The following HCN1 variants were observed in gnomAD, a reference collection of about 807,000 sequenced individuals.
The protein encoded by HCN1 is potassium/sodium hyperpolarization-activated cyclic nucleotide-gated channel 1.
Under a neutral mutation model 78.9 loss-of-function variants are expected in HCN1, and 13 were observed. The observed-to-expected ratio is 0.16, with a 90% CI of 0.11 to 0.26. The LOEUF (loss-of-function observed/expected upper bound fraction) is 0.26, where lower values mean the gene tolerates loss of function less well. Among genes scored for constraint, HCN1 ranks in the 10% least tolerant of loss-of-function variants. The probability of loss-of-function intolerance (pLI) is 1.00; values close to 1 mark genes in which losing one functional copy is unlikely to be tolerated. For synonymous variants in HCN1, 552 were observed against 455.5 expected, an observed-to-expected ratio of 1.21 and a Z score of -2.70; for missense variants, 810 against 1,154.3, an observed-to-expected ratio of 0.70 and a Z score of 4.32.
At chr5:45,348,908 C>A (rs1471749643) in intron 5 of HCN1, among the ~76,000 whole-genome samples, 1 of 152,104 alleles carries the variant, frequency 6.6e-6, no homozygotes, top group East Asian at 1.9e-4. Context: ...ACTTAGACTC[C>A]CACACAATAA....
intron 4 of HCN1, among the ~76,000 whole-genome samples, chr5:45,383,286 A>C (rs1258016479): frequency 2.0e-5 from 3 of 152,302 alleles, no homozygotes; most frequent in South Asian, 4.1e-4. Flanking sequence ...TGCATGTTTT[A>C]TTGCTACCAC....
At chr5:45,283,118 G>A (rs550543380) in intron 6 of HCN1, among the ~76,000 whole-genome samples, 2 of 152,214 alleles carry the variant, frequency 1.3e-5, no homozygotes, top group African/African-American at 2.4e-5. Context: ...TACTTTGATA[G>A]CATGTTCGAA....
chr5:45,394,673 A>G (rs1477402004), intron 4 of HCN1, among the ~76,000 whole-genome samples: 1 of 152,112 alleles, frequency 6.6e-6, no homozygotes, highest in Non-Finnish European at 1.5e-5. Context: ...AAAATTAGTC[A>G]GGCGTGGTGG....
chr5:45,598,816 C>T (rs1355195467), intron 2 of HCN1, among the ~76,000 whole-genome samples: 1 of 152,208 alleles, frequency 6.6e-6, no homozygotes, highest in Non-Finnish European at 1.5e-5. Flanking sequence ...TGAACAAATG[C>T]TCATCATCAC....
At chr5:45,402,877 C>CT in intron 3 of HCN1, among the ~76,000 whole-genome samples, 4 of 138,720 alleles carry the variant, frequency 2.9e-5, no homozygotes, top group Non-Finnish European at 6.2e-5. Flanking sequence ...TACTTCCTTC[C>CT]CTCCCTCCCT....
intron 4 of HCN1, among the ~76,000 whole-genome samples, chr5:45,365,847 A>G (rs554336894): frequency 3.8e-4 from 57 of 151,994 alleles, no homozygotes; most frequent in Non-Finnish European, 5.0e-4. Flanking sequence ...GTTGTCATAA[A>G]ATACCTACTT....
intron 3 of HCN1, among the ~76,000 whole-genome samples, chr5:45,428,425 C>T (rs1047290324): frequency 6.6e-6 from 1 of 151,898 alleles, no homozygotes; most frequent in African/African-American, 2.4e-5. Context: ...TGCTTTTCAA[C>T]TATCTTATTG....
chr5:45,690,885 C>A (rs951968431), intron 1 of HCN1, among the ~76,000 whole-genome samples: 1 of 151,990 alleles, frequency 6.6e-6, no homozygotes, highest in Admixed American at 6.6e-5. Flanking sequence ...TTTGAAAGTT[C>A]TTTTCCGGAG....
At chr5:45,373,977 GATACATAATATATATAATATATATTAT>G (rs1293811759) in intron 4 of HCN1, among the ~76,000 whole-genome samples, 4,221 of 59,504 alleles carry the variant, frequency 0.071, 385 homozygotes, top group African/African-American at 0.22. Context: ...ACATACAGTA[GATACATAATATATATAATATATATTAT>G]ATACATAATA....
chr5:45,598,275 A>T (rs910376457), intron 2 of HCN1, among the ~76,000 whole-genome samples: 2 of 152,204 alleles, frequency 1.3e-5, no homozygotes, highest in Non-Finnish European at 2.9e-5. Flanking sequence ...ATCTACAATC[A>T]TCTGATCTTC....
At chr5:45,338,443 C>A (rs1412527855) in intron 5 of HCN1, among the ~76,000 whole-genome samples, 1 of 152,038 alleles carries the variant, frequency 6.6e-6, no homozygotes, top group Non-Finnish European at 1.5e-5. Context: ...TTATGATGAG[C>A]AATTCTAATC....
At chr5:45,634,780 G>C (rs1049407395) in intron 2 of HCN1, among the ~76,000 whole-genome samples, 2 of 151,992 alleles carry the variant, frequency 1.3e-5, no homozygotes, top group African/African-American at 4.8e-5. Context: ...GAGAAAATAT[G>C]TTTTAATTGT....
At chr5:45,481,975 AAAAAC>A (rs961565423) in intron 2 of HCN1, among the ~76,000 whole-genome samples, 50 of 152,334 alleles carry the variant, frequency 3.3e-4, no homozygotes, top group African/African-American at 1.1e-3. Flanking sequence ...AACAAACAAA[AAAAAC>A]AAACAAAAAC....
At chr5:45,383,193 T>TA (rs1327004807) in intron 4 of HCN1, among the ~76,000 whole-genome samples, 2 of 152,208 alleles carry the variant, frequency 1.3e-5, no homozygotes, top group Non-Finnish European at 2.9e-5. Context: ...CATTTTCTAC[T>TA]ATACCAATTG....
At chr5:45,332,159 C>A (rs574252985) in intron 5 of HCN1, among the ~76,000 whole-genome samples, 1 of 151,506 alleles carries the variant, frequency 6.6e-6, no homozygotes, top group East Asian at 2.0e-4. Context: ...TTACCTAGCA[C>A]AGGCATCTTT....
At chr5:45,495,668 T>A (rs1471145593) in intron 2 of HCN1, among the ~76,000 whole-genome samples, 3 of 152,186 alleles carry the variant, frequency 2.0e-5, no homozygotes, top group Non-Finnish European at 4.4e-5. Flanking sequence ...AGGTCATCCC[T>A]GTCTTGTGCC....
intron 4 of HCN1, among the ~76,000 whole-genome samples, chr5:45,372,145 ATTATATAATATGTTATT>A: frequency 1.8e-5 from 1 of 54,090 alleles, no homozygotes; most frequent in Non-Finnish European, 2.7e-5. Context: ...ATAATAATAT[ATTATATAATATGTTATT>A]ATATATAATT....
chr5:45,599,850 C>A (rs1208829863), intron 2 of HCN1, among the ~76,000 whole-genome samples: 2 of 151,382 alleles, frequency 1.3e-5, no homozygotes, highest in Non-Finnish European at 2.9e-5. Context: ...CTTTTTTTAT[C>A]CTATGCTATT....
chr5:45,261,787 G>A lies in HCN1; in HGVS notation c.*134C>T. On this transcript the variant is annotated 3_prime_UTR_variant, in exon 8 of 8. Coordinates refer to ENST00000303230, the MANE Select transcript of HCN1 (RefSeq NM_021072.4). ...ATGTATATATATTTTTACATTTCAC[G>A]TGTAGGCCACAGCTGTCTAAAATAT... 6 of 1,071,454 alleles carry A rather than the reference G, an allele frequency of 5.6e-6. No individual in the cohort carries two copies. The highest frequency in any genetic ancestry group is 2.4e-5 in the East Asian group (1 of 42,188). The allele number at this position is 1,071,454 out of a possible 1,614,324, so 66.4% of individuals were successfully genotyped here. A position where few individuals can be genotyped will look rare whatever the true frequency, so the allele number is the denominator to read the frequency against.
Sources: allele counts gnomAD v4.1 joint callset (sites outside exome capture counted in the v4.1 genomes callset), GRCh38; gene constraint gnomAD v4.1.1; transcripts MANE v1.5; gene names NCBI Gene and HGNC (gene_info 2026-07-23, HGNC 2026-07-21).